ATRX: variants seen among roughly 807,000 people sequenced by gnomAD.
The protein encoded by ATRX is chromatin remodeler ATRX.
ATRX carries 12 observed loss-of-function variants against 172.6 expected under a neutral mutation model. That is an observed-to-expected ratio of 0.07 (90% CI 0.04 to 0.11). The LOEUF is 0.11. Among genes scored for constraint, ATRX ranks in the 10% least tolerant of loss-of-function variants. ATRX has a pLI of 1.00. For missense variants in ATRX, 1,368 were observed against 1,767.4 expected (o/e 0.77, Z 4.05); for synonymous variants, 674 against 594.7 (o/e 1.13, Z -1.94).
chrX:77,582,637 T>C (rs1602644624), intron 27 of ATRX, among the ~76,000 whole-genome samples: 1 of 110,741 alleles, frequency 9.0e-6, no homozygotes, highest in Admixed American at 9.6e-5. Context: ...CCCAAAAAAA[T>C]AAAATCAGAG....
chrX:77,786,084 C>T lies in ATRX; in HGVS notation c.-83G>A. The T allele has an allele frequency of 2.8e-6, 3 of 1,076,727 alleles. No individual in the cohort carries two copies. The highest frequency in any genetic ancestry group is 3.8e-6 in the Non-Finnish European group (3 of 794,198). The allele number at this position is 1,076,727 out of a possible 1,213,427, so 88.7% of individuals were successfully genotyped here. A position where few individuals can be genotyped will look rare whatever the true frequency, so the allele number is the denominator to read the frequency against. On this transcript the variant is annotated 5_prime_UTR_variant, in exon 1 of 35. Transcript: ENST00000373344. ...CCCGCGCCCGGTTACGATAGAAATG[C>T]ACTGGAGTCTTAGTCGTCACTGTAG...
At chrX:77,584,308 C>CA (rs2065930235) in intron 27 of ATRX, among the ~76,000 whole-genome samples, 1 of 111,059 alleles carries the variant, frequency 9.0e-6, no homozygotes, top group Non-Finnish European at 1.9e-5. Flanking sequence ...CACAGAAATA[C>CA]AAAAAACAAC....
At chrX:77,681,368 G>A in intron 9 of ATRX, 152 bp downstream of exon 9, 1 of 528,985 alleles carries the variant, frequency 1.9e-6, no homozygotes. Context: ...AATAAATAGG[G>A]AAACTTTTTT....
chrX:77,718,435 G>A (rs185006238), intron 1 of ATRX, among the ~76,000 whole-genome samples: 3 of 102,730 alleles, frequency 2.9e-5, no homozygotes, highest in African/African-American at 7.2e-5. Flanking sequence ...GTGCAGTGGC[G>A]TGATCTTGGC....
intron 10 of ATRX, among the ~76,000 whole-genome samples, 185 bp from the exon 11 acceptor site, chrX:77,664,963 G>A (rs938782038): frequency 1.8e-5 from 2 of 112,001 alleles, no homozygotes; most frequent in Non-Finnish European, 3.8e-5. Flanking sequence ...TTTTAAAAAT[G>A]TTCTTTACAC....
intron 1 of ATRX, among the ~76,000 whole-genome samples, chrX:77,764,652 T>C (rs995444535): frequency 8.9e-6 from 1 of 111,934 alleles, no homozygotes; most frequent in Non-Finnish European, 1.9e-5. Context: ...AAGACTGGAA[T>C]TGTTTTACTC....
At chrX:77,696,313 T>C (rs2072183822) in intron 5 of ATRX, among the ~76,000 whole-genome samples, 1 of 111,924 alleles carries the variant, frequency 8.9e-6, no homozygotes, top group African/African-American at 3.2e-5. Flanking sequence ...AAGTATAATT[T>C]GGAAACTAAA....
At chrX:77,717,357 C>T in intron 1 of ATRX, 114 bp from the exon 2 acceptor site, 1 of 574,660 alleles carries the variant, frequency 1.7e-6, no homozygotes, top group Non-Finnish European at 2.9e-6. Context: ...TAAGAGTATG[C>T]ACATTCAAAG....
intron 1 of ATRX, among the ~76,000 whole-genome samples, chrX:77,743,366 A>G (rs2074952487): frequency 9.0e-6 from 1 of 110,959 alleles, no homozygotes; most frequent in African/African-American, 3.3e-5. Flanking sequence ...AGCAGCCTGA[A>G]GATCATTCCA....
chrX:77,555,785 A>T (rs2064755363), intron 30 of ATRX, among the ~76,000 whole-genome samples: 1 of 110,797 alleles, frequency 9.0e-6, no homozygotes, highest in African/African-American at 3.3e-5. Flanking sequence ...TGACGGGTTG[A>T]TAGGTGCAGC....
intron 1 of ATRX, among the ~76,000 whole-genome samples, chrX:77,776,282 G>T (rs184679621): frequency 1.7e-4 from 19 of 111,975 alleles, no homozygotes; most frequent in African/African-American, 5.8e-4. Context: ...ACTTATTACA[G>T]TTCCTGACAC....
intron 22 of ATRX, among the ~76,000 whole-genome samples, chrX:77,604,278 AG>A (rs2066810672): frequency 8.9e-6 from 1 of 112,494 alleles, no homozygotes; most frequent in South Asian, 3.6e-4. Flanking sequence ...AGAATTTACA[AG>A]GAACTCAAAC....
At chrX:77,754,782 C>A (rs1428929157) in intron 1 of ATRX, among the ~76,000 whole-genome samples, 1 of 111,585 alleles carries the variant, frequency 9.0e-6, no homozygotes, top group Admixed American at 9.6e-5. Context: ...TCCTTCATTT[C>A]AACCTTGGAG....
In ATRX at chrX:77,505,676, G is replaced by A. The variant is rs916505770; in HGVS notation, c.*2675C>T. On this transcript the variant is annotated 3_prime_UTR_variant, in exon 35 of 35. Transcript: ENST00000373344. Reference sequence around the variant, plus strand: ...TTTTCTATGAAACAGTATGTGCACAGATTTTCAAAGCTGTGAAAATACAAT... The same window carrying A: ...TTTTCTATGAAACAGTATGTGCACAAATTTTCAAAGCTGTGAAAATACAAT... 7 of 172,171 alleles carry A rather than the reference G, an allele frequency of 4.1e-5. No homozygotes were observed. Among genetic ancestry groups the A allele is most frequent in the African/African-American group, 1.2e-4 (4 of 33,847 alleles). 14.2% of individuals were successfully genotyped at this position (172,171 alleles called of 1,213,427 possible).
At chrX:77,549,955 A>AAAATGAAATG (rs537966178) in intron 30 of ATRX, among the ~76,000 whole-genome samples, 4 of 111,579 alleles carry the variant, frequency 3.6e-5, no homozygotes, top group African/African-American at 9.8e-5. Context: ...CCTTGTCTCA[A>AAAATGAAATG]AAATGAAATG....
chrX:77,617,230 C>A (rs782778430), intron 21 of ATRX, among the ~76,000 whole-genome samples: 52 of 111,847 alleles, frequency 4.6e-4, no homozygotes, highest in South Asian at 2.9e-3. Context: ...AAAGCAACCC[C>A]TCTACAAGCA....
intron 1 of ATRX, among the ~76,000 whole-genome samples, chrX:77,766,990 G>A (rs2075979447): frequency 8.9e-6 from 1 of 112,632 alleles, no homozygotes; most frequent in Non-Finnish European, 1.9e-5. Context: ...GGCCGAGGCT[G>A]GCGGATCACT....
In ATRX at chrX:77,786,170, G is replaced by A. The variant is rs1270536498; in HGVS notation, c.-169C>T. ...TACCACTGCCACCGCCGCAGGAGCC[G>A]CGGAAACAAAGCGACACCGCTGCCG... is the stretch of plus-strand genomic sequence containing the variant. On this transcript the variant is annotated 5_prime_UTR_variant, in exon 1 of 35. Transcript: ENST00000373344. 1.8e-5 allele frequency: 10 copies of A among 563,510 alleles called. No individual in the cohort carries two copies. Among genetic ancestry groups the A allele is most frequent in the Non-Finnish European group, 2.7e-5 (10 of 367,427 alleles). The allele number at this position is 563,510 out of a possible 1,213,427, so 46.4% of individuals were successfully genotyped here. A position where few individuals can be genotyped will look rare whatever the true frequency, so the allele number is the denominator to read the frequency against.
intron 30 of ATRX, among the ~76,000 whole-genome samples, chrX:77,530,717 C>T (rs905195208): frequency 5.4e-5 from 6 of 110,459 alleles, no homozygotes; most frequent in African/African-American, 2.0e-4. Flanking sequence ...CAATCAAACC[C>T]CAAAGCTAGC....
Sources: allele counts gnomAD v4.1 joint callset (sites outside exome capture counted in the v4.1 genomes callset), GRCh38; gene constraint gnomAD v4.1.1; transcripts MANE v1.5; gene names NCBI Gene and HGNC (gene_info 2026-07-23, HGNC 2026-07-21).